The following TMTC2 variants were observed in gnomAD, a reference collection of about 807,000 sequenced individuals.
The protein encoded by TMTC2 is protein O-mannosyl-transferase TMTC2.
A neutral mutation model predicts 82.4 loss-of-function variants in TMTC2; 43 were observed. The ratio of observed to expected loss-of-function variants is 0.52; its 90% CI spans 0.41 to 0.67. TMTC2 has a LOEUF of 0.67. Among genes scored for constraint, TMTC2 ranks in the 30% least tolerant of loss-of-function variants. The pLI is 0.00. For missense variants in TMTC2, 919 were observed against 1,012.4 expected, an observed-to-expected ratio of 0.91 and a Z score of 1.25; for synonymous variants, 408 against 381.9, an observed-to-expected ratio of 1.07 and a Z score of -0.80.
intron 4 of TMTC2, among the ~76,000 whole-genome samples, chr12:82,960,611 T>C (rs988820096): frequency 2.0e-5 from 3 of 151,584 alleles, no homozygotes; most frequent in South Asian, 4.2e-4. Context: ...TAAAAGACAC[T>C]GGGGATTACT....
intron 1 of TMTC2, among the ~76,000 whole-genome samples, chr12:82,794,714 A>T (rs2137027376): frequency 6.6e-6 from 1 of 152,304 alleles, no homozygotes; most frequent in African/African-American, 2.4e-5. Flanking sequence ...TTAAGGGAAT[A>T]GAGTGTGAAC....
chr12:82,868,724 A>AG (rs1872008434), intron 2 of TMTC2, among the ~76,000 whole-genome samples: 1 of 149,716 alleles, frequency 6.7e-6, no homozygotes, highest in African/African-American at 2.5e-5. Flanking sequence ...TGAAAAAAAA[A>AG]GGGAGGCACT....
chr12:82,755,227 T>C (rs559795436), intron 1 of TMTC2, among the ~76,000 whole-genome samples: 2 of 152,292 alleles, frequency 1.3e-5, no homozygotes, highest in African/African-American at 2.4e-5. Context: ...GTCTGTTTCT[T>C]ATTTGTTCTT....
At chr12:83,111,889 TACAGTCTACAAA>T (rs1226531639) in intron 11 of TMTC2, among the ~76,000 whole-genome samples, 1 of 151,828 alleles carries the variant, frequency 6.6e-6, no homozygotes, top group Non-Finnish European at 1.5e-5. Context: ...TTTAACTATT[TACAGTCTACAAA>T]ATGCTCCTTC....
chr12:82,688,829 G>T (rs1872454459), intron 1 of TMTC2, among the ~76,000 whole-genome samples: 1 of 152,278 alleles, frequency 6.6e-6, no homozygotes, highest in East Asian at 1.9e-4. Context: ...ACAGTGAGGG[G>T]AGGTGAAGGC....
intron 7 of TMTC2, among the ~76,000 whole-genome samples, chr12:82,976,291 A>G (rs1204689750): frequency 6.6e-6 from 1 of 152,134 alleles, no homozygotes; most frequent in African/African-American, 2.4e-5. Context: ...TTCAAGTTGA[A>G]GTTTGATGGA....
intron 3 of TMTC2, among the ~76,000 whole-genome samples, chr12:82,898,831 C>G (rs918365637): frequency 2.6e-5 from 4 of 152,236 alleles, no homozygotes; most frequent in South Asian, 2.1e-4. Context: ...TTCTGGGAAG[C>G]CAAGTACCCA....
intron 7 of TMTC2, among the ~76,000 whole-genome samples, chr12:82,970,231 G>C (rs1482570252): frequency 1.3e-5 from 2 of 152,228 alleles, no homozygotes; most frequent in Non-Finnish European, 2.9e-5. Context: ...TCAGTGTGAG[G>C]ATTGATTAAA....
At chr12:82,720,827 CA>C (rs1874174274) in intron 1 of TMTC2, among the ~76,000 whole-genome samples, 1 of 152,126 alleles carries the variant, frequency 6.6e-6, no homozygotes, top group African/African-American at 2.4e-5. Context: ...GTTTTCTTGT[CA>C]TGTAGTTATG....
At chr12:82,925,904 C>T (rs1167760310) in intron 3 of TMTC2, among the ~76,000 whole-genome samples, 1 of 151,922 alleles carries the variant, frequency 6.6e-6, no homozygotes, top group African/African-American at 2.4e-5. Context: ...AATGATTAAA[C>T]TTAGTGAGGA....
chr12:82,698,077 A>G (rs1473908837), intron 1 of TMTC2, among the ~76,000 whole-genome samples: 5 of 152,220 alleles, frequency 3.3e-5, no homozygotes, highest in African/African-American at 1.2e-4. Flanking sequence ...TTAACCTGGT[A>G]CACTTAAACC....
intron 11 of TMTC2, among the ~76,000 whole-genome samples, chr12:83,106,404 C>T (rs907075283): frequency 6.7e-6 from 1 of 149,590 alleles, no homozygotes; most frequent in Admixed American, 6.8e-5. Context: ...AAGGCTGAGG[C>T]AGGAGAATCA....
In TMTC2 at chr12:83,068,059, T is replaced by C. The variant is rs145295639; in HGVS notation, c.2331+6228T>C. 8.3e-3 allele frequency among the ~76,000 whole-genome samples: 1,259 copies of C among 152,184 alleles called. 14 individuals carry two copies. Among genetic ancestry groups the C allele is most frequent in the Middle Eastern group, 0.041 (12 of 294 alleles). ...TAGCAATGATTATATGTCAAAAGAT[T>C]AAACTGAGAAACATGGAAAGAGAAG... is the stretch of plus-strand genomic sequence containing the variant. On this transcript the variant is annotated intron_variant, in intron 11 of 11. Coordinates refer to ENST00000321196, the MANE Select transcript of TMTC2 (RefSeq NM_152588.3).
intron 2 of TMTC2, among the ~76,000 whole-genome samples, chr12:82,890,876 A>G (rs1592604706): frequency 6.6e-6 from 1 of 152,304 alleles, no homozygotes; most frequent in Admixed American, 6.5e-5. Context: ...TTTAGCTACT[A>G]AATTGCAATC....
intron 1 of TMTC2, among the ~76,000 whole-genome samples, chr12:82,792,135 A>G (rs897763434): frequency 1.3e-5 from 2 of 152,080 alleles, no homozygotes; most frequent in African/African-American, 4.8e-5. Flanking sequence ...TGGTGTTCAG[A>G]TGTGTCCACT....
chr12:82,868,439 G>C (rs115305835), intron 2 of TMTC2, among the ~76,000 whole-genome samples: 2,319 of 152,266 alleles, frequency 0.015, 66 homozygotes, highest in African/African-American at 0.053. Flanking sequence ...GATTGAGATT[G>C]ATAACAAGTA....
intron 1 of TMTC2, among the ~76,000 whole-genome samples, chr12:82,742,467 G>A (rs1315721414): frequency 6.6e-6 from 1 of 151,562 alleles, no homozygotes; most frequent in Non-Finnish European, 1.5e-5. Flanking sequence ...GAGTAAATAA[G>A]AATTTAGTAG....
intron 8 of TMTC2, among the ~76,000 whole-genome samples, chr12:83,008,129 G>A (rs1880287182): frequency 6.6e-6 from 1 of 152,110 alleles, no homozygotes; most frequent in Non-Finnish European, 1.5e-5. Flanking sequence ...GAAAGTAATG[G>A]CAAGAACCAC....
Position 83,050,751 on chromosome 12 carries a change from C to G in TMTC2, c.2153-153C>G, listed in dbSNP as rs180885867. On this transcript the variant is annotated intron_variant, in intron 9 of 11. Coordinates refer to ENST00000321196, the MANE Select transcript of TMTC2 (RefSeq NM_152588.3). ...AACCTTGAAATGTTCCATAGTTAAG[C>G]AAAAAGCATATAAATAATCTCTAAA... Among the ~76,000 whole-genome samples the G allele has an allele frequency of 9.8e-4, 149 of 152,092 alleles. 1 individual carries two copies. The highest frequency in any genetic ancestry group is 1.7e-3 in the Non-Finnish European group (115 of 67,982).
Sources: allele counts gnomAD v4.1 joint callset (sites outside exome capture counted in the v4.1 genomes callset), GRCh38; gene constraint gnomAD v4.1.1; transcripts MANE v1.5; gene names NCBI Gene and HGNC (gene_info 2026-07-23, HGNC 2026-07-21).